Variants in DLC1 observed in about 807,000 individuals in gnomAD.
DLC1 encodes DLC1 Rho GTPase activating protein.
DLC1 carries 54 observed loss-of-function variants against 140.3 expected under a neutral mutation model. That is an observed-to-expected ratio of 0.38 (90% confidence interval 0.31 to 0.48). DLC1 has a LOEUF of 0.48. DLC1 is among the 20% of genes least tolerant of loss of function. The pLI is 0.96. For synonymous variants in DLC1, 986 were observed against 728.1 expected (o/e 1.35, Z -5.70); for missense variants, 2,536 against 1,907.0 (o/e 1.33, Z -6.14).
At chr8:13,544,941 G>A (rs1803605174) in intron 1 of DLC1, among the ~76,000 whole-genome samples, 1 of 152,068 alleles carries the variant, frequency 6.6e-6, no homozygotes. Context: ...CCACCTTCAG[G>A]GGGGCACTAT....
intron 5 of DLC1, among the ~76,000 whole-genome samples, chr8:13,290,626 T>G (rs1831720175): frequency 6.6e-6 from 1 of 152,152 alleles, no homozygotes; most frequent in Admixed American, 6.5e-5. Flanking sequence ...TATAAAAGGA[T>G]GCCAGCCTTA....
At chr8:13,554,107 C>T (rs1194066123) in intron 1 of DLC1, among the ~76,000 whole-genome samples, 2 of 152,066 alleles carry the variant, frequency 1.3e-5, no homozygotes, top group African/African-American at 4.8e-5. Flanking sequence ...CACTCTGTGG[C>T]CCAGGTTGGA....
chr8:13,446,928 G>C (rs1206573320), intron 2 of DLC1, among the ~76,000 whole-genome samples: 1 of 149,088 alleles, frequency 6.7e-6, no homozygotes, highest in African/African-American at 2.5e-5. Context: ...GGTAACAAAA[G>C]TGAAACTCCA....
intron 1 of DLC1, among the ~76,000 whole-genome samples, chr8:13,536,787 A>G (rs180886925): frequency 1.3e-4 from 20 of 152,310 alleles, no homozygotes; most frequent in Non-Finnish European, 2.1e-4. Flanking sequence ...ACATGTTGAA[A>G]TAACACATGT....
chr8:13,395,640 G>C (rs1837004600), intron 3 of DLC1, among the ~76,000 whole-genome samples: 1 of 152,096 alleles, frequency 6.6e-6, no homozygotes. Context: ...TATTGTTTCT[G>C]CTGTAAAATT....
intron 4 of DLC1, among the ~76,000 whole-genome samples, chr8:13,363,643 C>T (rs998078908): frequency 1.3e-5 from 2 of 151,880 alleles, no homozygotes; most frequent in Non-Finnish European, 2.9e-5. Context: ...TACATGTTCT[C>T]CCCCATAAAA....
chr8:13,558,412 C>T (rs1481731003), intron 1 of DLC1: 2 of 152,088 alleles, frequency 1.3e-5, no homozygotes, highest in Non-Finnish European at 2.9e-5. Context: ...CCATGGAGGA[C>T]TCCCTGAAGG....
Position 13,390,910 on chromosome 8 carries a change from A to G in DLC1, c.1314+2643T>C, listed in dbSNP as rs529270854. 2.7e-3 allele frequency among the ~76,000 whole-genome samples: 411 copies of G among 151,234 alleles called. 2 individuals carry two copies. The highest frequency in any genetic ancestry group is 9.4e-3 in the African/African-American group (389 of 41,314). ...GGCTGAGGCAGAATGCCGTGAACCC[A>G]GGAGGCAGAGCTCGCAGTGAGCTGA... On this transcript the variant is annotated intron_variant, in intron 4 of 17. Coordinates refer to ENST00000276297, the MANE Select transcript of DLC1 (RefSeq NM_182643.3).
At chr8:13,267,400 A>G (rs1195385047) in intron 5 of DLC1, among the ~76,000 whole-genome samples, 1 of 152,030 alleles carries the variant, frequency 6.6e-6, no homozygotes, top group Admixed American at 6.6e-5. Context: ...GTAATCAACC[A>G]TGAATGAAAA....
intron 1 of DLC1, among the ~76,000 whole-genome samples, chr8:13,585,119 T>A (rs540210403): frequency 5.3e-5 from 8 of 152,314 alleles, no homozygotes; most frequent in Admixed American, 1.3e-4. Flanking sequence ...TCACAAAAAA[T>A]TTTTAACAAA....
intron 5 of DLC1, among the ~76,000 whole-genome samples, chr8:13,291,137 G>C (rs1211902163): frequency 6.6e-6 from 1 of 152,154 alleles, no homozygotes; most frequent in Non-Finnish European, 1.5e-5. Flanking sequence ...TTGAACTCCT[G>C]GCCTCAAGTG....
intron 7 of DLC1, among the ~76,000 whole-genome samples, chr8:13,107,404 A>C (rs1056778888): frequency 2.0e-5 from 3 of 152,256 alleles, no homozygotes; most frequent in African/African-American, 4.8e-5. Flanking sequence ...CCTGCATAAA[A>C]TATGGTCCAG....
chr8:13,535,586 G>A (rs1373436391), intron 1 of DLC1, among the ~76,000 whole-genome samples: 1 of 147,236 alleles, frequency 6.8e-6, no homozygotes, highest in Non-Finnish European at 1.5e-5. Context: ...GGACATAACT[G>A]TTGGAAAGAC....
chr8:13,551,012 A>G (rs1803826357), intron 1 of DLC1, among the ~76,000 whole-genome samples: 1 of 150,736 alleles, frequency 6.6e-6, no homozygotes. Context: ...CTTTCCACAA[A>G]AAGCACATTT....
At chr8:13,320,491 G>A (rs1833053803) in intron 4 of DLC1, among the ~76,000 whole-genome samples, 1 of 151,872 alleles carries the variant, frequency 6.6e-6, no homozygotes, top group Non-Finnish European at 1.5e-5. Flanking sequence ...TCTTTTTCAA[G>A]GATTATAATA....
At chr8:13,567,946 G>T in intron 1 of DLC1, 1 of 1,542,590 alleles carries the variant, frequency 6.5e-7, no homozygotes, top group Non-Finnish European at 8.7e-7. Flanking sequence ...TAATGATAAT[G>T]TGTAATGTGG....
chr8:13,447,173 T>C (rs1798815841), intron 2 of DLC1, among the ~76,000 whole-genome samples: 1 of 152,190 alleles, frequency 6.6e-6, no homozygotes, highest in African/African-American at 2.4e-5. Context: ...AAATGTTGAT[T>C]TTTGGAATGA....
At chr8:13,455,919 G>A (rs1799363748) in intron 2 of DLC1, among the ~76,000 whole-genome samples, 1 of 152,056 alleles carries the variant, frequency 6.6e-6, no homozygotes, top group Non-Finnish European at 1.5e-5. Context: ...ATACAAATAT[G>A]GAACTGAAAC....
At chr8:13,375,716 G>GTTATT (rs1384617887) in intron 4 of DLC1, among the ~76,000 whole-genome samples, 1 of 109,554 alleles carries the variant, frequency 9.1e-6, no homozygotes, top group African/African-American at 3.5e-5. Flanking sequence ...AATGATGACT[G>GTTATT]TTATTTTATT....
Sources: gnomAD v4.1 joint callset for allele counts (sites outside exome capture counted in the v4.1 genomes callset) on GRCh38, gnomAD v4.1.1 for gene constraint, MANE v1.5 for transcripts, NCBI Gene and HGNC (gene_info 2026-07-23, HGNC 2026-07-21) for gene names.